Variants in MARK1 observed in about 807,000 individuals in gnomAD.
MARK1 encodes the protein serine/threonine-protein kinase MARK1.
Under a neutral mutation model 96.3 loss-of-function variants are expected in MARK1, and 40 were observed. The ratio of observed to expected loss-of-function variants is 0.42; its 90% CI spans 0.32 to 0.54. The LOEUF (loss-of-function observed/expected upper bound fraction) is 0.54. MARK1 is among the 20% of genes least tolerant of loss of function. The pLI is 0.16. For synonymous variants in MARK1, 317 were observed against 341.2 expected (o/e 0.93, Z 0.78); for missense variants, 719 against 984.6 (o/e 0.73, Z 3.61).
chr1:220,589,692 A>G (rs983265271), intron 3 of MARK1, among the ~76,000 whole-genome samples: 1 of 152,208 alleles, frequency 6.6e-6, no homozygotes, highest in Non-Finnish European at 1.5e-5. Context: ...CCTACAGCAA[A>G]CCTGAAACAG....
intron 6 of MARK1, among the ~76,000 whole-genome samples, chr1:220,611,679 C>T (rs1370908519): frequency 2.0e-5 from 3 of 151,956 alleles, no homozygotes; most frequent in Admixed American, 6.6e-5. Flanking sequence ...TCTTCCTGTT[C>T]GGCCTTCTTG....
intron 5 of MARK1, among the ~76,000 whole-genome samples, chr1:220,602,055 A>G (rs1314489594): frequency 1.3e-5 from 2 of 152,184 alleles, no homozygotes; most frequent in African/African-American, 4.8e-5. Context: ...ACTCTGGAAA[A>G]TAAAACACTA....
chr1:220,535,317 C>T (rs1256803022), intron 1 of MARK1, among the ~76,000 whole-genome samples: 1 of 151,998 alleles, frequency 6.6e-6, no homozygotes, highest in Non-Finnish European at 1.5e-5. Context: ...TTGCATTTCC[C>T]AGATGATTTG....
intron 10 of MARK1, 35 bp from the exon 11 acceptor site, chr1:220,632,166 C>A: frequency 1.9e-6 from 2 of 1,075,528 alleles, no homozygotes; most frequent in South Asian, 4.1e-5. Flanking sequence ...AAAATAAAAC[C>A]ATTTTCAGAA....
chr1:220,609,642 C>T (rs1217583363), intron 6 of MARK1, among the ~76,000 whole-genome samples: 1 of 152,186 alleles, frequency 6.6e-6, no homozygotes, highest in Non-Finnish European at 1.5e-5. Context: ...GCAGTTTCTT[C>T]ATAGCATCGA....
At chr1:220,553,678 G>A (rs1034556587) in intron 1 of MARK1, among the ~76,000 whole-genome samples, 11 of 152,166 alleles carry the variant, frequency 7.2e-5, no homozygotes, top group Admixed American at 3.9e-4. Flanking sequence ...TAACTTGGTG[G>A]CCTATGGTCA....
intron 6 of MARK1, among the ~76,000 whole-genome samples, chr1:220,615,410 T>G (rs1346517455): frequency 6.6e-6 from 1 of 152,204 alleles, no homozygotes; most frequent in Non-Finnish European, 1.5e-5. Context: ...ACATTTTCCT[T>G]TCTCTTTATA....
intron 1 of MARK1, among the ~76,000 whole-genome samples, chr1:220,550,616 A>C (rs757021321): frequency 6.6e-6 from 1 of 152,214 alleles, no homozygotes; most frequent in Non-Finnish European, 1.5e-5. Flanking sequence ...GGCCTCCCAA[A>C]GTGTCAGGAT....
chr1:220,636,220 C>T (rs190623852), intron 13 of MARK1, among the ~76,000 whole-genome samples, 194 bp downstream of exon 13: 7 of 152,216 alleles, frequency 4.6e-5, no homozygotes, highest in Admixed American at 2.6e-4. Flanking sequence ...TTTTTGCATG[C>T]GTTAACACTT....
At position 220,550,053 on chromosome 1, in the gene MARK1, A is replaced by G. The variant is rs544896363; in HGVS notation, c.51+21180A>G. Among the ~76,000 whole-genome samples the G allele has an allele frequency of 1.1e-4, 16 of 152,312 alleles. No individual in the cohort carries two copies. The East Asian group carries it at 3.1e-3, about 29-fold the overall frequency. On this transcript the variant is annotated intron_variant, in intron 1 of 17. Coordinates refer to ENST00000366917, the MANE Select transcript of MARK1 (RefSeq NM_018650.5). ...TTGGGCTTGCCTTTTCTCCATGCTTACCAGTTTCTTCATTTTAATGCATTC... is the reference window on the plus strand; with the variant it reads ...TTGGGCTTGCCTTTTCTCCATGCTTGCCAGTTTCTTCATTTTAATGCATTC...
At chr1:220,640,066 T>C (rs2103026070) in intron 13 of MARK1, among the ~76,000 whole-genome samples, 1 of 152,376 alleles carries the variant, frequency 6.6e-6, no homozygotes. Context: ...ACAGCTTTAA[T>C]ACCTTTTCTT....
chr1:220,657,653 T>A, intron 16 of MARK1, 137 bp from the exon 17 acceptor site: 1 of 557,324 alleles, frequency 1.8e-6, no homozygotes, highest in Non-Finnish European at 3.1e-6. Flanking sequence ...AGAAATAGTC[T>A]CAGACTGACT....
chr1:220,649,161 A>C (rs954854613), intron 13 of MARK1, among the ~76,000 whole-genome samples: 2 of 152,152 alleles, frequency 1.3e-5, no homozygotes, highest in African/African-American at 4.8e-5. Flanking sequence ...CTTTTGTGTA[A>C]GTTAGTTTCA....
At chr1:220,547,531 A>G (rs1214839432) in intron 1 of MARK1, among the ~76,000 whole-genome samples, 4 of 152,018 alleles carry the variant, frequency 2.6e-5, no homozygotes, top group African/African-American at 9.7e-5. Flanking sequence ...TCTGCTTTGT[A>G]TGTACTTTGT....
chr1:220,614,588 A>ACCT (rs1050718196), intron 6 of MARK1, among the ~76,000 whole-genome samples: 22 of 151,880 alleles, frequency 1.4e-4, no homozygotes, highest in African/African-American at 5.3e-4. Context: ...AATAATATAT[A>ACCT]CCTCCATAAT....
At chr1:220,582,659 C>G (rs891368597) in intron 3 of MARK1, among the ~76,000 whole-genome samples, 7 of 152,198 alleles carry the variant, frequency 4.6e-5, no homozygotes, top group African/African-American at 1.7e-4. Flanking sequence ...GACTCCTACT[C>G]TGTCTTTCCC....
chr1:220,545,174 A>C (rs1268583620), intron 1 of MARK1, among the ~76,000 whole-genome samples: 6 of 152,206 alleles, frequency 3.9e-5, no homozygotes, highest in Admixed American at 3.9e-4. Context: ...TCGGGGTGGA[A>C]GGTGCATTTG....
At chr1:220,593,319 T>C (rs1273799884) in intron 3 of MARK1, among the ~76,000 whole-genome samples, 1 of 152,170 alleles carries the variant, frequency 6.6e-6, no homozygotes, top group Non-Finnish European at 1.5e-5. Flanking sequence ...GACTTCTAAA[T>C]GTTTAAATGG....
chr1:220,606,553 G>T (rs908933696), intron 6 of MARK1, among the ~76,000 whole-genome samples: 1 of 152,058 alleles, frequency 6.6e-6, no homozygotes, highest in Non-Finnish European at 1.5e-5. Context: ...GTCTATTTTG[G>T]CTTTTGTTGC....
Sources: gnomAD v4.1 joint callset for allele counts (sites outside exome capture counted in the v4.1 genomes callset) on GRCh38, gnomAD v4.1.1 for gene constraint, MANE v1.5 for transcripts, NCBI Gene and HGNC (gene_info 2026-07-23, HGNC 2026-07-21) for gene names.